GMIP: variants seen among roughly 807,000 people sequenced by gnomAD.
The protein encoded by GMIP is GEM interacting protein.
In GMIP, 54 loss-of-function variants were observed where a neutral mutation model predicts 105.3. That is an observed-to-expected ratio of 0.51 (90% CI 0.41 to 0.64). The LOEUF (loss-of-function observed/expected upper bound fraction) is 0.64, where lower values mean the gene tolerates loss of function less well. Among genes scored for constraint, GMIP ranks in the 30% least tolerant of loss-of-function variants. The probability of loss-of-function intolerance (pLI) is 0.00; values close to 1 mark genes in which losing one functional copy is unlikely to be tolerated. For synonymous variants in GMIP, 541 were observed against 560.8 expected, an observed-to-expected ratio of 0.96 and a Z score of 0.50; for missense variants, 1,110 against 1,319.4, an observed-to-expected ratio of 0.84 and a Z score of 2.46.
In GMIP at chr19:19,635,652, C is replaced by T. The variant is rs150730686; in HGVS notation, c.1397G>A (p.Arg466Gln). Residue 466 changes from arginine (R) to glutamine (Q), a missense_variant, in exon 14 of 21, where the codon CGA becomes CAA. This residue lies in a region of GMIP where 667 missense variants were observed against 773.2 expected (regional missense o/e 0.86). Coordinates refer to ENST00000203556, the MANE Select transcript of GMIP (RefSeq NM_016573.4). The surrounding 1 kb of genome is among the most constrained non-coding windows in gnomAD (Gnocchi z 4.7). ...GTESSDDFEE[R>Q]DPDLGDGLEN... ...CCCTGCTTCAGCCTCACCAGGGTCTCGCTCCTCAAAGTCATCTGAGGACTC... is the reference window on the plus strand; with the variant it reads ...CCCTGCTTCAGCCTCACCAGGGTCTTGCTCCTCAAAGTCATCTGAGGACTC... 5.0e-6 allele frequency: 8 copies of T among 1,614,016 alleles called. No individual in the cohort carries two copies. Among genetic ancestry groups the T allele is most frequent in the African/African-American group, 1.3e-5 (1 of 75,044 alleles).
intron 19 of GMIP, among the ~76,000 whole-genome samples, chr19:19,631,060 G>T (rs2061790336): frequency 1.3e-5 from 2 of 152,128 alleles, no homozygotes; most frequent in Admixed American, 1.3e-4. Flanking sequence ...ATTTAGCCGG[G>T]CGTGGTGGTG....
rs773765372 is a variant in GMIP, at chr19:19,632,832, C to T, written c.2472+971G>A. Among the ~76,000 whole-genome samples the T allele has an allele frequency of 3.3e-5, 5 of 152,120 alleles. No homozygotes were observed. The South Asian group carries it at 6.2e-4, about 19-fold the overall frequency. ...TGTCATTCATTACAGGATGGGGCTG[C>T]GTCCTAACACACCAGGCACGATCCT... On this transcript the variant is annotated intron_variant, in intron 19 of 20. Transcript: ENST00000203556.
intron 9 of GMIP, 44 bp from the exon 10 acceptor site, chr19:19,638,101 C>T (rs769963270): frequency 8.4e-6 from 13 of 1,549,170 alleles, no homozygotes; most frequent in South Asian, 1.2e-5. Context: ...CGCGTGTGGG[C>T]GAGAGTGGAG....
Position 19,634,586 on chromosome 19 carries a change from G to A in GMIP, c.2005C>T (p.Arg669Cys), listed in dbSNP as rs754966075. The change falls in exon 18 of 21, where the codon CGC becomes TGC. Residue 669 changes from arginine (R) to cysteine (C), a missense_variant. By Grantham distance (180) the Arg-to-Cys change is radical (BLOSUM62 -3). Coordinates refer to ENST00000203556, the MANE Select transcript of GMIP (RefSeq NM_016573.4). The surrounding 1 kb of genome is among the most constrained non-coding windows in gnomAD (Gnocchi z 6.1). ...GTPSPSPEVI[R>C]SLKTLLVQLP... ...TGTACCAAGAGGGTCTTCAGCGAGC[G>A]GATAACCTCAGGGCTGGGGCTGGGG... is the stretch of plus-strand genomic sequence containing the variant. 18 of 1,613,478 alleles carry A rather than the reference G, an allele frequency of 1.1e-5. No individual in the cohort carries two copies. Among genetic ancestry groups the A allele is most frequent in the African/African-American group, 2.7e-5 (2 of 74,866 alleles).
rs2061875340 is a variant in GMIP at position 19,638,072 on chromosome 19, G to A, written c.790-15C>T. 6.4e-7 allele frequency: 1 copy of A among 1,551,994 alleles called. No homozygotes were observed. The highest frequency in any genetic ancestry group is 8.7e-7 in the Non-Finnish European group (1 of 1,151,384). On this transcript the variant is annotated splice_polypyrimidine_tract_variant and intron_variant, in intron 9 of 20. Coordinates refer to ENST00000203556, the MANE Select transcript of GMIP (RefSeq NM_016573.4). ...GCCTCCTGCGCCTGGGGAAACGGGA[G>A]GCCAGGAGCGGGGTGGGGCGCGTGT...
At chr19:19,631,728 C>T (rs1382976590) in intron 19 of GMIP, among the ~76,000 whole-genome samples, 1 of 152,218 alleles carries the variant, frequency 6.6e-6, no homozygotes, top group Admixed American at 6.5e-5. Context: ...TGGCTCCAGC[C>T]TGTAATCCCA....
rs763101975 is a variant in GMIP at position 19,635,631 on chromosome 19, G to A, written c.1405+13C>T. 469 of 1,613,980 alleles carry A rather than the reference G, an allele frequency of 2.9e-4. 2 individuals are homozygous for A. The South Asian group carries it at 4.9e-3, about 17-fold the overall frequency. The stretch of plus-strand genomic sequence containing the variant: ...GCCCTGTCCCATCCTGACCTACCCT[G>A]CTTCAGCCTCACCAGGGTCTCGCTC... On this transcript the variant is annotated intron_variant, in intron 14 of 20. Transcript: ENST00000203556. The surrounding 1 kb of genome is among the most constrained non-coding windows in gnomAD (Gnocchi z 4.7).
chr19:19,633,882 G>A lies in GMIP; in HGVS notation c.2393C>T (p.Pro798Leu), dbSNP rs1376824033. ...PPHLDPDSQP[P>L]VLASDPGPDP... The stretch of plus-strand genomic sequence containing the variant: ...TGGGCCGGGGTCTGAGGCTAGGACT[G>A]GGGGCTGGGAGTCTGGGTCAAGGTG... Residue 798 changes from proline to leucine, a missense_variant, in exon 19 of 21, where the codon CCA (proline) becomes CTA (leucine). Pro to Leu is a moderately conservative substitution (Grantham distance 98). Transcript: ENST00000203556. The A allele has an allele frequency of 2.7e-6, 4 of 1,508,610 alleles. No individual in the cohort carries two copies. The highest frequency in any genetic ancestry group is 2.3e-5 in the East Asian group (1 of 43,440). 93.5% of individuals were successfully genotyped at this position (1,508,610 alleles called of 1,614,324 possible).
At position 19,636,933 on chromosome 19, in the gene GMIP, T is replaced by A. The variant is rs888364214; in HGVS notation, c.1221A>T (p.Thr407=). The change falls in exon 12 of 21, where the codon ACA becomes ACT. Residue 407 remains threonine, a synonymous_variant. Transcript: ENST00000203556. ...AEPGPWEDPG[T]GWRWQGTPGP... ...TGCACTCACCTTGCCAGCGCCAGCC[T>A]GTGCCCGGATCCTCCCAAGGGCCTG... 6.3e-7 allele frequency: 1 copy of A among 1,580,456 alleles called. No individual in the cohort carries two copies. The highest frequency in any genetic ancestry group is 2.3e-5 in the East Asian group (1 of 43,056).
chr19:19,636,979 A>G lies in GMIP; in HGVS notation c.1175T>C (p.Leu392Pro), dbSNP rs369714680. The G allele has an allele frequency of 1.9e-6, 3 of 1,585,036 alleles. No homozygotes were observed. Among genetic ancestry groups the G allele is most frequent in the Non-Finnish European group, 2.6e-6 (3 of 1,164,732 alleles). ...GCCTGGCTCAGCTGAATTCTCATCCAGCCTTGGAGGAAGAGGCCCAGAGAG... is the reference window on the plus strand; with the variant it reads ...GCCTGGCTCAGCTGAATTCTCATCCGGCCTTGGAGGAAGAGGCCCAGAGAG... ...KKLSGPLPPR[L>P]DENSAEPGPW... Residue 392 changes from leucine (L) to proline (P), a missense_variant, in exon 12 of 21, where the codon CTG (leucine) becomes CCG (proline). By Grantham distance (98) the Leu-to-Pro change is moderately conservative. This residue lies in a region of GMIP where 667 missense variants were observed against 773.2 expected (regional missense o/e 0.86). Coordinates refer to ENST00000203556, the MANE Select transcript of GMIP (RefSeq NM_016573.4).
chr19:19,635,648 G>T lies in GMIP; in HGVS notation c.1401C>A (p.Asp467Glu), dbSNP rs141198269. The T allele has an allele frequency of 2.5e-3, 4,008 of 1,614,050 alleles. 54 individuals are homozygous for T. The highest frequency in any genetic ancestry group is 0.025 in the South Asian group (2,238 of 91,082). Residue 467 changes from aspartate (D) to glutamate (E), a missense_variant, in exon 14 of 21, where the codon GAC (aspartate) becomes GAA (glutamate). Physicochemically the swap from Asp to Glu is conservative, Grantham distance 45 (BLOSUM62 2). Coordinates refer to ENST00000203556, the MANE Select transcript of GMIP (RefSeq NM_016573.4). This position sits in a 1 kb window ranked among gnomAD's most constrained non-coding sequence, Gnocchi z 4.7. ...CCTACCCTGCTTCAGCCTCACCAGG[G>T]TCTCGCTCCTCAAAGTCATCTGAGG... ...TESSDDFEERDPDLGDGLENG... is the reference protein window; with the variant it reads ...TESSDDFEEREPDLGDGLENG...
intron 1 of GMIP, 65 bp from the exon 2 acceptor site, chr19:19,642,684 A>G: frequency 1.4e-6 from 1 of 727,428 alleles, no homozygotes; most frequent in South Asian, 1.7e-5. Context: ...CACCTCAACC[A>G]GTCTCATTTG....
In GMIP at chr19:19,635,518, G is replaced by A. The variant is rs143679981; in HGVS notation, c.1457C>T (p.Thr486Ile). ...GTGGGTCTGAGCCGCGCTGGACAGTGTCCACTTCCCGAAGGGGCTGCCCAG... is the reference window on the plus strand; with the variant it reads ...GTGGGTCTGAGCCGCGCTGGACAGTATCCACTTCCCGAAGGGGCTGCCCAG... ...NGLGSPFGKW[T>I]LSSAAQTHQL... The change falls in exon 15 of 21, where the codon ACA (threonine) becomes ATA (isoleucine). Residue 486 changes from threonine to isoleucine, a missense_variant. By Grantham distance (89) the Thr-to-Ile change is moderately conservative. This residue lies in a region of GMIP where 667 missense variants were observed against 773.2 expected (regional missense o/e 0.86). Transcript: ENST00000203556. The surrounding 1 kb of genome is among the most constrained non-coding windows in gnomAD (Gnocchi z 4.7). The A allele has an allele frequency of 6.2e-7, 1 of 1,613,326 alleles. No homozygotes were observed. Among genetic ancestry groups the A allele is most frequent in the East Asian group, 2.2e-5 (1 of 44,876 alleles).
chr19:19,643,314 A>AAGGGGG (rs2061943950), intron 1 of GMIP, 197 bp downstream of exon 1: 2 of 482,062 alleles, frequency 4.1e-6, no homozygotes, highest in African/African-American at 2.0e-5. Context: ...GAGGGATCAA[A>AAGGGGG]AGGGGGAGGG....
In GMIP at chr19:19,642,057, G is replaced by A. The variant is rs761401668; in HGVS notation, c.105-6C>T. On this transcript the variant is annotated splice_polypyrimidine_tract_variant and splice_region_variant and intron_variant, in intron 2 of 20. Transcript: ENST00000203556. ...CAGCCAGCATCTCAAGGGTCCTGGG[G>A]GATAAAGGTGTGTCAGGATGCCACC... 61 of 1,605,880 alleles carry A rather than the reference G, an allele frequency of 3.8e-5. No homozygotes were observed. The highest frequency in any genetic ancestry group is 5.0e-5 in the Non-Finnish European group (59 of 1,173,254).
chr19:19,640,712 T>A, intron 4 of GMIP, 141 bp from the exon 5 acceptor site: 1 of 603,314 alleles, frequency 1.7e-6, no homozygotes, highest in Non-Finnish European at 2.7e-6. Flanking sequence ...CTTGTCCTGG[T>A]TGCAATTTTA....
rs931743991 is a variant in GMIP, at chr19:19,635,468, C to T, written c.1507G>A (p.Ala503Thr). The stretch of plus-strand genomic sequence containing the variant: ...AAGGCTTCGCACTCGCGGCACTTGG[C>T]TGGGCCCCGCAGTCGCCGCAGCTGG... ...THQLRRLRGP[A>T]KCRECEAFMV... The change falls in exon 15 of 21, where the codon GCC becomes ACC. Residue 503 changes from alanine to threonine, a missense_variant. By Grantham distance (58) the Ala-to-Thr change is moderately conservative. This residue lies in a region of GMIP where 667 missense variants were observed against 773.2 expected (regional missense o/e 0.86). Transcript: ENST00000203556. This position sits in a 1 kb window ranked among gnomAD's most constrained non-coding sequence, Gnocchi z 4.7. 4 of 1,610,284 alleles carry T rather than the reference C, an allele frequency of 2.5e-6. No individual in the cohort carries two copies. The African/African-American group carries it at 4.0e-5, about 16-fold the overall frequency.
chr19:19,636,096 C>T (rs372851360), intron 13 of GMIP, among the ~76,000 whole-genome samples: 12 of 151,154 alleles, frequency 7.9e-5, no homozygotes, highest in Non-Finnish European at 1.5e-4. Flanking sequence ...CCCAGCTACT[C>T]GGGAGGCTGA....
chr19:19,637,430 C>A lies in GMIP; in HGVS notation c.1059G>T (p.Arg353=). ...GCGGCGGGGGCGGCGGGGCCTCGGG[C>A]CGCAGCGCCCGTACAAACTCCTGGT... ...QRYQEFVRAL[R]PEAPPPPPPA... Residue 353 remains arginine, a synonymous_variant, in exon 11 of 21, where the codon CGG becomes CGT. Coordinates refer to ENST00000203556, the MANE Select transcript of GMIP (RefSeq NM_016573.4). This position sits in a 1 kb window ranked among gnomAD's most constrained non-coding sequence, Gnocchi z 6.7. The A allele has an allele frequency of 6.7e-7, 1 of 1,494,384 alleles. No individual in the cohort carries two copies. Among genetic ancestry groups the A allele is most frequent in the Non-Finnish European group, 8.9e-7 (1 of 1,128,472 alleles). The allele number at this position is 1,494,384 out of a possible 1,614,324, so 92.6% of individuals were successfully genotyped here.
Sources: gnomAD v4.1 joint callset for allele counts (sites outside exome capture counted in the v4.1 genomes callset) on GRCh38, gnomAD v4.1.1 for gene constraint, gnomAD v4.1.1 regional missense constraint, Gnocchi (gnomAD v3.1) non-coding constraint, MANE v1.5 for transcripts, NCBI Gene and HGNC (gene_info 2026-07-23, HGNC 2026-07-21) for gene names.